Variants in GALNT17 observed in about 807,000 individuals in gnomAD.
GALNT17 encodes polypeptide N-acetylgalactosaminyltransferase 17.
In GALNT17, 29 loss-of-function variants were observed where a neutral mutation model predicts 63.7. The ratio of observed to expected loss-of-function variants is 0.46; its 90% confidence interval spans 0.34 to 0.62. The LOEUF (loss-of-function observed/expected upper bound fraction) is 0.62, where lower values mean the gene tolerates loss of function less well. Among genes scored for constraint, GALNT17 ranks in the 20% least tolerant of loss-of-function variants. GALNT17 has a pLI of 0.01. For missense variants in GALNT17, 603 were observed against 799.6 expected (o/e 0.75, Z 2.97); for synonymous variants, 305 against 318.3 (o/e 0.96, Z 0.45).
intron 2 of GALNT17, among the ~76,000 whole-genome samples, chr7:71,356,412 C>T (rs977318742): frequency 1.3e-5 from 2 of 152,162 alleles, no homozygotes; most frequent in African/African-American, 4.8e-5. Context: ...GTTTAACTGG[C>T]TCACAGTTCT....
chr7:71,284,822 C>T (rs942712377), intron 1 of GALNT17, among the ~76,000 whole-genome samples: 9 of 151,752 alleles, frequency 5.9e-5, no homozygotes, highest in Non-Finnish European at 1.3e-4. Flanking sequence ...CATTTTCTTT[C>T]AGTCCTTGGT....
At chr7:71,661,777 C>T (rs1204499709) in intron 6 of GALNT17, among the ~76,000 whole-genome samples, 1 of 152,152 alleles carries the variant, frequency 6.6e-6, no homozygotes, top group Non-Finnish European at 1.5e-5. Flanking sequence ...CCTCCCCAGA[C>T]TCTACAGGGA....
chr7:71,209,143 A>G (rs1194741736), intron 1 of GALNT17, among the ~76,000 whole-genome samples: 1 of 152,222 alleles, frequency 6.6e-6, no homozygotes, highest in Non-Finnish European at 1.5e-5. Context: ...TGTAATTTCC[A>G]TGTGTTGCAA....
chr7:71,425,469 G>A (rs932662553), intron 5 of GALNT17, among the ~76,000 whole-genome samples: 22 of 152,156 alleles, frequency 1.4e-4, no homozygotes, highest in Middle Eastern at 3.4e-3. Context: ...TGATCCACCC[G>A]TCTCAGCCTC....
chr7:71,395,677 C>A (rs1793125389), intron 3 of GALNT17, among the ~76,000 whole-genome samples: 2 of 152,156 alleles, frequency 1.3e-5, no homozygotes, highest in South Asian at 2.1e-4. Flanking sequence ...TTTTCCACAG[C>A]CAGACTGTTT....
intron 2 of GALNT17, among the ~76,000 whole-genome samples, chr7:71,362,132 A>G (rs912513909): frequency 1.3e-5 from 2 of 151,870 alleles, no homozygotes; most frequent in South Asian, 4.2e-4. Flanking sequence ...AATTTTTTGT[A>G]TTTTTAGTAG....
intron 5 of GALNT17, among the ~76,000 whole-genome samples, chr7:71,553,601 ATTC>A (rs1789115770): frequency 6.6e-6 from 1 of 152,094 alleles, no homozygotes; most frequent in African/African-American, 2.4e-5. Flanking sequence ...AGTTCTGTTC[ATTC>A]TTCTACAGTA....
At chr7:71,689,181 T>G (rs978831537) in intron 9 of GALNT17, among the ~76,000 whole-genome samples, 3 of 152,088 alleles carry the variant, frequency 2.0e-5, no homozygotes, top group Non-Finnish European at 4.4e-5. Flanking sequence ...CTCCCAATTC[T>G]CGGGCCTTTC....
intron 6 of GALNT17, among the ~76,000 whole-genome samples, chr7:71,647,395 A>G (rs1790695307): frequency 6.6e-6 from 1 of 152,058 alleles, no homozygotes; most frequent in African/African-American, 2.4e-5. Context: ...AAACAACGAC[A>G]GGGATGGGGA....
chr7:71,291,573 A>G (rs1229410562), intron 1 of GALNT17, among the ~76,000 whole-genome samples: 1 of 152,162 alleles, frequency 6.6e-6, no homozygotes, highest in Admixed American at 6.5e-5. Flanking sequence ...ATTCCTGGAC[A>G]GTTTTTATTT....
At chr7:71,313,112 T>C (rs987638803) in intron 1 of GALNT17, among the ~76,000 whole-genome samples, 1 of 152,146 alleles carries the variant, frequency 6.6e-6, no homozygotes, top group African/African-American at 2.4e-5. Flanking sequence ...CCCGTATCTT[T>C]AAAAATATAT....
intron 1 of GALNT17, among the ~76,000 whole-genome samples, chr7:71,174,432 A>C (rs1201258041): frequency 6.6e-6 from 1 of 152,162 alleles, no homozygotes; most frequent in Non-Finnish European, 1.5e-5. Flanking sequence ...AGCCAAATGA[A>C]GAAGAGGCTG....
At chr7:71,565,465 G>A (rs921753147) in intron 5 of GALNT17, among the ~76,000 whole-genome samples, 1 of 151,502 alleles carries the variant, frequency 6.6e-6, no homozygotes, top group Non-Finnish European at 1.5e-5. Context: ...CCTCTCTCTA[G>A]CACTTCATCC....
chr7:71,203,582 A>G (rs535579247), intron 1 of GALNT17, among the ~76,000 whole-genome samples: 13 of 152,326 alleles, frequency 8.5e-5, no homozygotes, highest in Non-Finnish European at 1.6e-4. Context: ...CTGTTCACAC[A>G]TGGCTATAAA....
intron 9 of GALNT17, among the ~76,000 whole-genome samples, chr7:71,683,275 CT>C (rs1459220025): frequency 1.3e-5 from 2 of 152,118 alleles, no homozygotes; most frequent in African/African-American, 4.8e-5. Flanking sequence ...GGCTCTCCAG[CT>C]GCCAGGCGGT....
At chr7:71,153,954 TAA>T (rs1353181303) in intron 1 of GALNT17, among the ~76,000 whole-genome samples, 5 of 68,198 alleles carry the variant, frequency 7.3e-5, no homozygotes, top group Non-Finnish European at 1.1e-4. Context: ...AATAAAAAAA[TAA>T]AAATGTATCT....
At chr7:71,348,673 G>C (rs1724912043) in intron 2 of GALNT17, among the ~76,000 whole-genome samples, 1 of 152,224 alleles carries the variant, frequency 6.6e-6, no homozygotes, top group South Asian at 2.1e-4. Context: ...TCAAACCAAT[G>C]TTGAGATTTA....
intron 5 of GALNT17, among the ~76,000 whole-genome samples, chr7:71,527,639 G>A (rs1788646406): frequency 6.6e-6 from 1 of 152,192 alleles, no homozygotes; most frequent in Admixed American, 6.5e-5. Flanking sequence ...TTTGCCATCT[G>A]TAGCAAATCT....
chr7:71,242,955 G>A (rs1433519597), intron 1 of GALNT17, among the ~76,000 whole-genome samples: 1 of 152,140 alleles, frequency 6.6e-6, no homozygotes, highest in African/African-American at 2.4e-5. Flanking sequence ...TTAGAGTTGG[G>A]AAGAATATTC....
Sources: gnomAD v4.1 joint callset for allele counts (sites outside exome capture counted in the v4.1 genomes callset) on GRCh38, gnomAD v4.1.1 for gene constraint, MANE v1.5 for transcripts, NCBI Gene and HGNC (gene_info 2026-07-23, HGNC 2026-07-21) for gene names.